The following SKAP2 variants were observed in gnomAD, a reference collection of about 807,000 sequenced individuals.
The protein encoded by SKAP2 is src kinase-associated phosphoprotein 2.
A neutral mutation model predicts 54.9 loss-of-function variants in SKAP2; 28 were observed. The observed-to-expected ratio is 0.51, with a 90% CI of 0.38 to 0.70. SKAP2 has a LOEUF of 0.70. SKAP2 is among the 30% of genes least tolerant of loss of function. The probability of loss-of-function intolerance (pLI) is 0.00; values close to 1 mark genes in which losing one functional copy is unlikely to be tolerated. For synonymous variants in SKAP2, 137 were observed against 134.3 expected (o/e 1.02, Z -0.14); for missense variants, 356 against 424.1 (o/e 0.84, Z 1.41).
intron 4 of SKAP2, among the ~76,000 whole-genome samples, chr7:26,749,757 T>C (rs929518190): frequency 6.2e-5 from 9 of 146,128 alleles, no homozygotes; most frequent in African/African-American, 1.8e-4. Flanking sequence ...ATAATAATAA[T>C]AATAATAATA....
intron 11 of SKAP2, among the ~76,000 whole-genome samples, chr7:26,675,600 T>C (rs1029977394): frequency 3.9e-5 from 6 of 152,242 alleles, no homozygotes; most frequent in African/African-American, 9.6e-5. Flanking sequence ...GATGATTAAA[T>C]AGACTAAGTC....
downstream of SKAP2, among the ~76,000 whole-genome samples, chr7:26,665,371 C>A (rs1786087973): frequency 6.6e-6 from 1 of 152,136 alleles, no homozygotes; most frequent in Non-Finnish European, 1.5e-5. Flanking sequence ...TCACTCAATT[C>A]TGTTATAACA....
chr7:26,670,242 A>G (rs771536794), intron 11 of SKAP2, 50 bp from the exon 12 acceptor site: 5 of 839,320 alleles, frequency 6.0e-6, no homozygotes, highest in Non-Finnish European at 1.0e-5. Flanking sequence ...TGTAAGTACA[A>G]TGTCGTTTGT....
At chr7:26,739,422 G>A (rs1232394980) in intron 5 of SKAP2, among the ~76,000 whole-genome samples, 1 of 152,142 alleles carries the variant, frequency 6.6e-6, no homozygotes, top group Non-Finnish European at 1.5e-5. Context: ...GAAAGAGTGA[G>A]ACCATATGGT....
chr7:26,786,765 C>A, intron 4 of SKAP2, among the ~76,000 whole-genome samples: 1 of 152,210 alleles, frequency 6.6e-6, no homozygotes, highest in South Asian at 2.1e-4. Context: ...TCTGTACAAA[C>A]TGACAGTTCT....
chr7:26,693,364 G>A (rs1375001465), intron 9 of SKAP2, among the ~76,000 whole-genome samples: 1 of 148,072 alleles, frequency 6.8e-6, no homozygotes, highest in African/African-American at 2.5e-5. Flanking sequence ...GAGACTGTGG[G>A]ATTTAGATTT....
chr7:26,818,165 T>C (rs1784311554), intron 4 of SKAP2, among the ~76,000 whole-genome samples: 1 of 152,154 alleles, frequency 6.6e-6, no homozygotes, highest in African/African-American at 2.4e-5. Flanking sequence ...CCTGGAGGCA[T>C]GACGCTACCT....
intron 4 of SKAP2, among the ~76,000 whole-genome samples, chr7:26,749,580 T>C (rs1404421564): frequency 6.6e-6 from 1 of 151,816 alleles, no homozygotes; most frequent in Non-Finnish European, 1.5e-5. Context: ...ACACCCCATC[T>C]CTATAAAAAA....
At chr7:26,842,154 A>G (rs1162667798) in intron 4 of SKAP2, among the ~76,000 whole-genome samples, 1 of 151,806 alleles carries the variant, frequency 6.6e-6, no homozygotes, top group Non-Finnish European at 1.5e-5. Context: ...TATCAAAAAC[A>G]GTATTATTTA....
chr7:26,799,634 T>C (rs1176159747), intron 4 of SKAP2, among the ~76,000 whole-genome samples: 1 of 152,162 alleles, frequency 6.6e-6, no homozygotes, highest in Non-Finnish European at 1.5e-5. Flanking sequence ...TACCCCACTT[T>C]CAGCATCACT....
chr7:26,784,159 C>T (rs928333053), intron 4 of SKAP2, among the ~76,000 whole-genome samples: 4 of 151,878 alleles, frequency 2.6e-5, no homozygotes, highest in African/African-American at 9.7e-5. Context: ...CGAGTCTCAT[C>T]AGAACTTTCC....
intron 6 of SKAP2, among the ~76,000 whole-genome samples, chr7:26,735,455 G>T (rs1446907464): frequency 6.6e-6 from 1 of 152,118 alleles, no homozygotes; most frequent in East Asian, 1.9e-4. Context: ...TGGTACAATG[G>T]TAAGTGCATT....
intron 3 of SKAP2, among the ~76,000 whole-genome samples, chr7:26,847,187 A>G (rs1784940914): frequency 6.6e-6 from 1 of 152,024 alleles, no homozygotes; most frequent in South Asian, 2.1e-4. Context: ...TTTTCTCCCC[A>G]TAATCCTTTG....
At chr7:26,718,652 C>T (rs964249058) in intron 9 of SKAP2, among the ~76,000 whole-genome samples, 3 of 151,992 alleles carry the variant, frequency 2.0e-5, no homozygotes, top group East Asian at 1.9e-4. Flanking sequence ...ACTACAGGCA[C>T]GTGCCACCAC....
the SKAP2 span, among the ~76,000 whole-genome samples, chr7:26,661,500 A>G: frequency 6.6e-6 from 1 of 152,314 alleles, no homozygotes; most frequent in East Asian, 1.9e-4. Context: ...AAAGACTATT[A>G]TTAGCAGATT....
chr7:26,820,457 T>A (rs1475578377), intron 4 of SKAP2, among the ~76,000 whole-genome samples: 1 of 152,200 alleles, frequency 6.6e-6, no homozygotes, highest in East Asian at 1.9e-4. Flanking sequence ...ATCTACATTT[T>A]AAATCCATTG....
At chr7:26,660,185 T>C in the SKAP2 span, among the ~76,000 whole-genome samples, 1 of 152,152 alleles carries the variant, frequency 6.6e-6, no homozygotes, top group African/African-American at 2.4e-5. Flanking sequence ...GTTTCTATAC[T>C]AATCTTTAAT....
In SKAP2 at chr7:26,669,060, C is replaced by T. The variant is rs1786175124; in HGVS notation, c.*606G>A. 6.6e-6 allele frequency: 1 copy of T among 152,152 alleles called. No individual in the cohort carries two copies. Among genetic ancestry groups the T allele is most frequent in the Non-Finnish European group, 1.5e-5 (1 of 68,036 alleles). 9.4% of individuals were successfully genotyped at this position (152,152 alleles called of 1,614,324 possible). A position where few individuals can be genotyped will look rare whatever the true frequency, so the allele number is the denominator to read the frequency against. ...CGCACTTCTGTTGCAGGTGACAGCA[C>T]ACTGCCATTTGCAACTTCATCATTT... On this transcript the variant is annotated 3_prime_UTR_variant, in exon 13 of 13. Coordinates refer to ENST00000345317, the MANE Select transcript of SKAP2 (RefSeq NM_003930.5).
intron 4 of SKAP2, among the ~76,000 whole-genome samples, chr7:26,765,931 T>C (rs1783041416): frequency 1.3e-5 from 2 of 152,178 alleles, no homozygotes; most frequent in Admixed American, 6.5e-5. Context: ...CTTTTTTGTT[T>C]AGGATTGTCT....
Sources: allele counts gnomAD v4.1 joint callset (sites outside exome capture counted in the v4.1 genomes callset), GRCh38; gene constraint gnomAD v4.1.1; transcripts MANE v1.5; gene names NCBI Gene and HGNC (gene_info 2026-07-23, HGNC 2026-07-21).